Variants in PTK2B observed in about 807,000 individuals in gnomAD.
PTK2B encodes the protein protein tyrosine kinase 2 beta.
Under a neutral mutation model 142.9 loss-of-function variants are expected in PTK2B, and 71 were observed. The ratio of observed to expected loss-of-function variants is 0.50; its 90% confidence interval spans 0.41 to 0.61. The LOEUF (loss-of-function observed/expected upper bound fraction) is 0.61. Among genes scored for constraint, PTK2B ranks in the 20% least tolerant of loss-of-function variants. PTK2B has a pLI of 0.00. For synonymous variants in PTK2B, 519 were observed against 503.4 expected (o/e 1.03, Z -0.42); for missense variants, 1,105 against 1,320.4 (o/e 0.84, Z 2.53).
chr8:27,454,851 C>G (rs946009724), intron 30 of PTK2B, among the ~76,000 whole-genome samples: 2 of 152,222 alleles, frequency 1.3e-5, no homozygotes, highest in African/African-American at 4.8e-5. Context: ...GCAGTGAATT[C>G]TTTCTGAGTT....
At chr8:27,381,309 A>G (rs11785606) in intron 1 of PTK2B, among the ~76,000 whole-genome samples, 62,779 of 152,040 alleles carry the variant, frequency 0.41, 14,659 homozygotes, top group Non-Finnish European at 0.53. Context: ...TTAATTTGGT[A>G]TCCATTAACC....
In PTK2B at chr8:27,458,814, T is replaced by C; in HGVS notation, c.*305T>C. ...GGTCCATGCAGGGGGCTCCTGGGGG[T>C]GGGGAGGTGTCACATGGTGCCCCTA... On this transcript the variant is annotated 3_prime_UTR_variant, in exon 31 of 31. Transcript: ENST00000346049. 4.2e-6 allele frequency: 2 copies of C among 477,140 alleles called. No individual in the cohort carries two copies. The highest frequency in any genetic ancestry group is 7.6e-6 in the Non-Finnish European group (2 of 262,110). 29.6% of individuals were successfully genotyped at this position (477,140 alleles called of 1,614,324 possible).
intron 1 of PTK2B, among the ~76,000 whole-genome samples, chr8:27,347,213 C>T (rs1210286362): frequency 2.7e-5 from 1 of 36,536 alleles, no homozygotes. Context: ...CCCATCTCTA[C>T]TAAAAAAAAA....
intron 3 of PTK2B, among the ~76,000 whole-genome samples, chr8:27,319,530 G>T (rs1348076315): frequency 2.0e-5 from 3 of 150,658 alleles, no homozygotes; most frequent in African/African-American, 7.3e-5. Context: ...TGTAGTCCCA[G>T]CTACTCGGGA....
At chr8:27,341,198 G>A (rs972512790) in intron 1 of PTK2B, among the ~76,000 whole-genome samples, 1 of 152,134 alleles carries the variant, frequency 6.6e-6, no homozygotes, top group African/African-American at 2.4e-5. Context: ...CCATCCATTT[G>A]TGCCTGGCAC....
chr8:27,420,876 TGAA>T (rs1408197859), intron 4 of PTK2B, 132 bp downstream of exon 4: 4 of 806,178 alleles, frequency 5.0e-6, no homozygotes, highest in Non-Finnish European at 5.9e-6. Flanking sequence ...AAGCTTCTCT[TGAA>T]GAAGGTCCTT....
chr8:27,355,948 G>A (rs1220594454), intron 1 of PTK2B, among the ~76,000 whole-genome samples: 5 of 151,876 alleles, frequency 3.3e-5, no homozygotes, highest in African/African-American at 4.8e-5. Flanking sequence ...GCTTGAACCC[G>A]GGAGGCAGAG....
upstream of PTK2B, among the ~76,000 whole-genome samples, chr8:27,323,876 G>A (rs560990927): frequency 2.0e-5 from 3 of 152,216 alleles, no homozygotes; most frequent in East Asian, 5.8e-4. Context: ...CCCAGAATTG[G>A]TCCCAGCAAG....
Position 27,363,432 on chromosome 8 carries a change from G to GT in PTK2B, c.-37-34110dup, listed in dbSNP as rs1347337790. On this transcript the variant is annotated intron_variant, in intron 1 of 30. Coordinates refer to ENST00000346049, the MANE Select transcript of PTK2B (RefSeq NM_173176.3). This position sits in a 1 kb window ranked among gnomAD's most constrained non-coding sequence, Gnocchi z 4.3. ...AGATTTGGGATGAATATAAAGGAAG[G>GT]TTTTTTAATAATTAGAGCTCCGAGC... 1.3e-5 allele frequency among the ~76,000 whole-genome samples: 2 copies of GT among 152,240 alleles called. No individual in the cohort carries two copies. Among genetic ancestry groups the GT allele is most frequent in the South Asian group, 4.2e-4 (2 of 4,816 alleles).
chr8:27,443,986 C>T (rs1271638923), intron 22 of PTK2B, among the ~76,000 whole-genome samples: 2 of 152,180 alleles, frequency 1.3e-5, no homozygotes, highest in African/African-American at 2.4e-5. Flanking sequence ...TAGCCATAGC[C>T]CCGGGAGGGC....
At chr8:27,430,809 A>AC in intron 7 of PTK2B, 67 bp from the exon 8 acceptor site, 28 of 1,566,466 alleles carry the variant, frequency 1.8e-5, no homozygotes, top group Non-Finnish European at 2.4e-5. Context: ...TCTCAGCGAG[A>AC]CCCTAAGGGA....
rs75378384 is a variant in PTK2B, at chr8:27,419,638, T to C, written c.205-257T>C. Among the ~76,000 whole-genome samples the C allele has an allele frequency of 3.4e-3, 515 of 152,358 alleles. 4 individuals carry two copies. The highest frequency in any genetic ancestry group is 0.023 in the East Asian group (121 of 5,190). On this transcript the variant is annotated intron_variant, in intron 2 of 30. Coordinates refer to ENST00000346049, the MANE Select transcript of PTK2B (RefSeq NM_173176.3). ...AGGTGCAGAAGCAAATTTTTGTTAT[T>C]CTCTGCCTCTTTGCATTTTCTCCTT...
chr8:27,335,048 C>T (rs1803977196), intron 1 of PTK2B, among the ~76,000 whole-genome samples: 1 of 152,234 alleles, frequency 6.6e-6, no homozygotes, highest in African/African-American at 2.4e-5. Context: ...AGAAGTTAGG[C>T]AGCCTTGGCA....
At position 27,331,640 on chromosome 8, in the gene PTK2B, C is replaced by T. The variant is rs117722527; in HGVS notation, c.-38+5959C>T. ...TAGCTGAGATTACAGGCACCCACCACCATCCCTGGCTAATTCTTTTATTTT... is the reference window on the plus strand; with the variant it reads ...TAGCTGAGATTACAGGCACCCACCATCATCCCTGGCTAATTCTTTTATTTT... On this transcript the variant is annotated intron_variant, in intron 1 of 30. Coordinates refer to ENST00000346049, the MANE Select transcript of PTK2B (RefSeq NM_173176.3). Among the ~76,000 whole-genome samples, 1,284 of 152,006 alleles carry T rather than the reference C, an allele frequency of 8.4e-3. 14 individuals carry two copies. Among genetic ancestry groups the T allele is most frequent in the Non-Finnish European group, 0.011 (732 of 67,984 alleles).
intron 1 of PTK2B, among the ~76,000 whole-genome samples, chr8:27,350,569 A>T (rs898198871): frequency 1.6e-5 from 2 of 128,758 alleles, no homozygotes; most frequent in African/African-American, 5.1e-5. Flanking sequence ...GGCAAAGATC[A>T]GTAGAGCCTC....
At chr8:27,375,701 C>T (rs1448660870) in intron 1 of PTK2B, among the ~76,000 whole-genome samples, 1 of 152,194 alleles carries the variant, frequency 6.6e-6, no homozygotes, top group Non-Finnish European at 1.5e-5. Context: ...TTTCCCTGTC[C>T]CATGTGCCTC....
At chr8:27,310,801 C>T (rs557664219), upstream of PTK2B, 2 of 1,583,068 alleles carry the variant, frequency 1.3e-6, no homozygotes, top group Non-Finnish European at 1.7e-6. Context: ...CTGCTCTTAC[C>T]CGAAAGTCGT....
chr8:27,437,302 G>A lies in PTK2B; in HGVS notation c.1427-94G>A, dbSNP rs558144643. On this transcript the variant is annotated intron_variant, in intron 16 of 30. Transcript: ENST00000346049. ...AGTGCAGGGACCCATGTTGGAGGAGGGGTTCCCGTCCTCCCAGCTAGAAGA... is the reference window on the plus strand; with the variant it reads ...AGTGCAGGGACCCATGTTGGAGGAGAGGTTCCCGTCCTCCCAGCTAGAAGA... The A allele has an allele frequency of 2.8e-5, 43 of 1,547,252 alleles. No homozygotes were observed. In the East Asian group the frequency reaches 7.7e-4, roughly 28 times the overall value.
intron 5 of PTK2B, among the ~76,000 whole-genome samples, chr8:27,428,344 T>C (rs910343535): frequency 6.6e-6 from 1 of 152,166 alleles, no homozygotes; most frequent in Admixed American, 6.5e-5. Flanking sequence ...GGTCCAGGGG[T>C]TGGGGACCTT....
Sources: allele counts gnomAD v4.1 joint callset (sites outside exome capture counted in the v4.1 genomes callset), GRCh38; gene constraint gnomAD v4.1.1; non-coding constraint Gnocchi (gnomAD v3.1); transcripts MANE v1.5; gene names NCBI Gene and HGNC (gene_info 2026-07-23, HGNC 2026-07-21).